The following LYRM4 variants were observed in gnomAD, a reference collection of about 807,000 sequenced individuals.
LYRM4 encodes LYR motif containing 4, also known as LYR motif-containing protein 4.
In LYRM4, 9 loss-of-function variants were observed where a neutral mutation model predicts 11.7. The ratio of observed to expected loss-of-function variants is 0.77; its 90% CI spans 0.46 to 1.34. The LOEUF (loss-of-function observed/expected upper bound fraction) is 1.34, where lower values mean the gene tolerates loss of function less well. LYRM4 is among the 40% of genes most tolerant of loss of function. The pLI is 0.00. For missense variants in LYRM4, 133 were observed against 112.5 expected (o/e 1.18, Z -0.82); for synonymous variants, 42 against 40.4 (o/e 1.04, Z -0.15).
chr6:5,128,611 G>A (rs1483084644), intron 2 of LYRM4, among the ~76,000 whole-genome samples: 1 of 152,180 alleles, frequency 6.6e-6, no homozygotes, highest in East Asian at 1.9e-4. Flanking sequence ...TCACAAATAC[G>A]TGCATTTGGA....
the LYRM4 span, among the ~76,000 whole-genome samples, chr6:5,045,367 A>G: frequency 6.6e-6 from 1 of 152,352 alleles, no homozygotes; most frequent in African/African-American, 2.4e-5. Context: ...CAGGCACAAA[A>G]GGACAAATAC....
chr6:5,250,914 A>C (rs1338357501), intron 1 of LYRM4, among the ~76,000 whole-genome samples: 1 of 152,236 alleles, frequency 6.6e-6, no homozygotes. Flanking sequence ...AAAATAGAAT[A>C]CAATGTTATT....
chr6:5,132,507 C>A (rs1764002969), intron 2 of LYRM4, among the ~76,000 whole-genome samples: 1 of 152,166 alleles, frequency 6.6e-6, no homozygotes, highest in African/African-American at 2.4e-5. Flanking sequence ...AAATCCCATG[C>A]TTTCAAAGAG....
intron 1 of LYRM4, among the ~76,000 whole-genome samples, chr6:5,248,779 A>G (rs2127766796): frequency 3.3e-5 from 5 of 152,352 alleles, no homozygotes; most frequent in Middle Eastern, 6.8e-3. Context: ...GCTGTTGTAG[A>G]AATTTCAGGG....
chr6:5,092,293 G>A, the LYRM4 span, among the ~76,000 whole-genome samples: 2 of 152,118 alleles, frequency 1.3e-5, no homozygotes, highest in Non-Finnish European at 2.9e-5. Context: ...GACAGCTTTG[G>A]GTAAAGAACC....
chr6:5,068,477 T>C, the LYRM4 span, among the ~76,000 whole-genome samples: 7,250 of 152,306 alleles, frequency 0.048, 418 homozygotes, highest in African/African-American at 0.14. The surrounding 1 kb of genome is among the most constrained non-coding windows in gnomAD (Gnocchi z 4.0). Context: ...AACAGTGTGA[T>C]GGTCCGGAAG....
At chr6:5,132,902 G>C (rs897573509) in intron 2 of LYRM4, 5 of 152,260 alleles carry the variant, frequency 3.3e-5, no homozygotes, top group Non-Finnish European at 5.9e-5. Context: ...CAGTGCTCAT[G>C]AGAAGTGAGT....
At chr6:5,206,292 G>C (rs1002320353) in intron 2 of LYRM4, among the ~76,000 whole-genome samples, 2 of 152,232 alleles carry the variant, frequency 1.3e-5, no homozygotes, top group African/African-American at 4.8e-5. Context: ...GGCCTATGAG[G>C]GTTGGCTGCC....
chr6:5,070,437 T>G, the LYRM4 span, among the ~76,000 whole-genome samples: 11 of 152,212 alleles, frequency 7.2e-5, no homozygotes, highest in African/African-American at 2.2e-4. Flanking sequence ...GTATAAATGT[T>G]TAATGTTTTT....
At chr6:5,107,315 C>T (rs1382132133), downstream of LYRM4, 1 of 152,248 alleles carries the variant, frequency 6.6e-6, no homozygotes, top group Non-Finnish European at 1.5e-5. Flanking sequence ...GAAGTCTCCT[C>T]TGGAGCTGTT....
At chr6:5,178,803 T>TAAA in intron 2 of LYRM4, among the ~76,000 whole-genome samples, 1 of 3,276 alleles carries the variant, frequency 3.1e-4, no homozygotes, top group Non-Finnish European at 6.1e-4. Flanking sequence ...AGACTCTGTC[T>TAAA]CAAAAAAAAA....
At chr6:5,192,571 T>C (rs1239054753) in intron 2 of LYRM4, among the ~76,000 whole-genome samples, 1 of 152,152 alleles carries the variant, frequency 6.6e-6, no homozygotes, top group Non-Finnish European at 1.5e-5. Flanking sequence ...CTGTGCTCAT[T>C]AGCACAGGAC....
intron 1 of LYRM4, among the ~76,000 whole-genome samples, chr6:5,235,780 T>C (rs1763504809): frequency 6.6e-6 from 1 of 150,790 alleles, no homozygotes. Context: ...TCAAGGTCTG[T>C]TCTTTTACCC....
the LYRM4 span, chr6:5,066,609 C>T: frequency 1.7e-6 from 2 of 1,182,488 alleles, no homozygotes; most frequent in East Asian, 2.3e-5. Flanking sequence ...AGTTTTGTCA[C>T]TTTCAAGGGC....
At chr6:5,140,669 C>G (rs1007511051) in intron 2 of LYRM4, among the ~76,000 whole-genome samples, 2 of 152,152 alleles carry the variant, frequency 1.3e-5, no homozygotes, top group Non-Finnish European at 2.9e-5. Context: ...CACTTGGGAA[C>G]ATGTAAGGCT....
At chr6:5,096,903 G>A in the LYRM4 span, among the ~76,000 whole-genome samples, 1 of 151,924 alleles carries the variant, frequency 6.6e-6, no homozygotes, top group Non-Finnish European at 1.5e-5. Flanking sequence ...GAATCTTCCA[G>A]TTGGGAGAAC....
chr6:5,101,968 C>CATTTTTTTTTTTTTTTT (rs556454653), downstream of LYRM4, among the ~76,000 whole-genome samples: 4 of 67,988 alleles, frequency 5.9e-5, 1 homozygote, highest in African/African-American at 1.8e-4. Flanking sequence ...CTAATGCTTT[C>CATTTTTTTTTTTTTTTT]TTTTTTTTTT....
At chr6:5,200,482 T>G (rs1485070284) in intron 2 of LYRM4, among the ~76,000 whole-genome samples, 1 of 152,238 alleles carries the variant, frequency 6.6e-6, no homozygotes, top group Non-Finnish European at 1.5e-5. Context: ...AAAATTTTCA[T>G]TGTTTAATTT....
intron 2 of LYRM4, chr6:5,132,807 G>A (rs1475784415): frequency 6.6e-6 from 1 of 152,232 alleles, no homozygotes; most frequent in East Asian, 1.9e-4. Context: ...GCTGGCTGAA[G>A]CAAAAGAGAA....
Sources: allele counts gnomAD v4.1 joint callset (sites outside exome capture counted in the v4.1 genomes callset), GRCh38; gene constraint gnomAD v4.1.1; non-coding constraint Gnocchi (gnomAD v3.1); transcripts MANE v1.5; gene names NCBI Gene and HGNC (gene_info 2026-07-23, HGNC 2026-07-21).